Variants in USP20 observed in about 807,000 individuals in gnomAD.
USP20 encodes ubiquitin carboxyl-terminal hydrolase 20.
Under a neutral mutation model 124.2 loss-of-function variants are expected in USP20, and 80 were observed. The observed-to-expected ratio is 0.64, with a 90% CI of 0.54 to 0.78. USP20 has a LOEUF of 0.78. Among genes scored for constraint, USP20 ranks in the 30% least tolerant of loss-of-function variants. The pLI, the probability that USP20 is intolerant of heterozygous loss-of-function variation, is 0.00. For synonymous variants in USP20, 481 were observed against 512.3 expected (o/e 0.94, Z 0.83); for missense variants, 1,043 against 1,244.4 (o/e 0.84, Z 2.44).
chr9:129,838,519 A>C (rs775886752), intron 1 of USP20, among the ~76,000 whole-genome samples: 1 of 152,194 alleles, frequency 6.6e-6, no homozygotes, highest in Admixed American at 6.5e-5. Flanking sequence ...CGACTGCTCA[A>C]ACTGGGTTTG....
At chr9:129,858,322 G>C in intron 5 of USP20, 145 bp from the exon 6 acceptor site, 1 of 1,260,080 alleles carries the variant, frequency 7.9e-7, no homozygotes, top group South Asian at 1.3e-5. Flanking sequence ...GTCCTGACTG[G>C]GGGTGGGTAA....
chr9:129,856,305 A>C lies in USP20; in HGVS notation c.82-2A>C. 6.2e-7 allele frequency: 1 copy of C among 1,614,104 alleles called. No individual in the cohort carries two copies. Among genetic ancestry groups the C allele is most frequent in the Non-Finnish European group, 8.5e-7 (1 of 1,179,972 alleles). Reference sequence around the variant, plus strand: ...CTTTTTCTCTCCTCTCAACTCACACAGGGAACCTGTCAGTCGTGTGGGGTC... The same window carrying C: ...CTTTTTCTCTCCTCTCAACTCACACCGGGAACCTGTCAGTCGTGTGGGGTC... On this transcript the variant is annotated splice_acceptor_variant, in intron 3 of 25. Coordinates refer to ENST00000372429, the MANE Select transcript of USP20 (RefSeq NM_001110303.4). LOFTEE classifies it high-confidence loss of function.
rs202209306 is a variant in USP20, at chr9:129,875,524, C to G, written c.2219-36C>G. ...GGGAGAGCAGGGTGGGCAGCTGGGC[C>G]GAGCCACAGCTTCGCTCCCTGTACC... On this transcript the variant is annotated intron_variant, in intron 20 of 25. Transcript: ENST00000372429. 4.3e-3 allele frequency: 7,010 copies of G among 1,613,276 alleles called. 140 individuals carry two copies. The highest frequency in any genetic ancestry group is 0.042 in the South Asian group (3,839 of 90,988).
intron 1 of USP20, among the ~76,000 whole-genome samples, chr9:129,846,550 A>G (rs2032584070): frequency 1.3e-5 from 2 of 151,164 alleles, no homozygotes; most frequent in African/African-American, 4.9e-5. Flanking sequence ...GAGCCGCCCA[A>G]CATGGCCTAA....
chr9:129,847,700 G>T (rs555839280), intron 1 of USP20, among the ~76,000 whole-genome samples: 1 of 152,118 alleles, frequency 6.6e-6, no homozygotes, highest in South Asian at 2.1e-4. Flanking sequence ...CGATTTGACA[G>T]GTGTATACAC....
chr9:129,868,765 T>G, intron 11 of USP20, 97 bp from the exon 12 acceptor site: 1 of 1,485,918 alleles, frequency 6.7e-7, no homozygotes, highest in Non-Finnish European at 8.9e-7. Context: ...GGGTCAGGCT[T>G]TCGTCCCTTT....
At position 129,876,066 on chromosome 9, in the gene USP20, T is replaced by G. The variant is rs565798601; in HGVS notation, c.2301-64T>G. ...GGCTTGAGGGGGAAGTGGAAGGCAG[T>G]GATCACTCTCCCCTCCCTGGTACCC... On this transcript the variant is annotated intron_variant, in intron 21 of 25. Coordinates refer to ENST00000372429, the MANE Select transcript of USP20 (RefSeq NM_001110303.4). The G allele has an allele frequency of 9.2e-4, 1,307 of 1,416,758 alleles. 3 individuals carry two copies. Among genetic ancestry groups the G allele is most frequent in the Admixed American group, 2.4e-3 (123 of 51,494 alleles). 87.8% of individuals were successfully genotyped at this position (1,416,758 alleles called of 1,614,324 possible).
In USP20 at chr9:129,835,483, C is replaced by G; in HGVS notation, c.-145C>G. 2.5e-6 allele frequency: 1 copy of G among 397,984 alleles called. No homozygotes were observed. The highest frequency in any genetic ancestry group is 4.0e-5 in the South Asian group (1 of 24,986). The allele number at this position is 397,984 out of a possible 1,614,324, so 24.7% of individuals were successfully genotyped here. A position where few individuals can be genotyped will look rare whatever the true frequency, so the allele number is the denominator to read the frequency against. On this transcript the variant is annotated 5_prime_UTR_variant, in exon 1 of 26. Transcript: ENST00000372429. ...GCGCTTGACTGACAGGCGGCGGCGG[C>G]GCAGTTGCGAGTGCAGGTGAGTTCC...
intron 6 of USP20, 42 bp downstream of exon 6, chr9:129,858,640 G>A (rs1278676259): frequency 1.2e-6 from 2 of 1,605,834 alleles, no homozygotes; most frequent in African/African-American, 2.7e-5. Context: ...TGGTGACACT[G>A]TGTTGAGGAT....
intron 12 of USP20, 115 bp from the exon 13 acceptor site, chr9:129,869,195 C>A: frequency 7.5e-7 from 1 of 1,332,988 alleles, no homozygotes; most frequent in South Asian, 1.3e-5. Context: ...AATTGCTTAC[C>A]CAGTCATGTG....
chr9:129,861,717 A>T, intron 8 of USP20, 105 bp downstream of exon 8: 1 of 1,000,692 alleles, frequency 1.0e-6, no homozygotes, highest in South Asian at 1.4e-5. Flanking sequence ...CATGTATAGG[A>T]TGCACAGCAA....
intron 15 of USP20, among the ~76,000 whole-genome samples, chr9:129,872,450 C>A (rs989813611): frequency 1.3e-5 from 2 of 152,086 alleles, no homozygotes; most frequent in Non-Finnish European, 2.9e-5. Context: ...ACGGTGCCGG[C>A]CTCGTTAGTT....
chr9:129,880,677 C>G lies in USP20; in HGVS notation c.*227C>G. 1 of 191,750 alleles carries G rather than the reference C, an allele frequency of 5.2e-6. No individual in the cohort carries two copies. Among genetic ancestry groups the G allele is most frequent in the Non-Finnish European group, 1.1e-5 (1 of 89,660 alleles). The allele number at this position is 191,750 out of a possible 1,614,324, so 11.9% of individuals were successfully genotyped here. On this transcript the variant is annotated 3_prime_UTR_variant, in exon 26 of 26. Transcript: ENST00000372429. ...GTCCTGGCAGTGCCTCTGCCAGTCA[C>G]TGTCATCGTTGTGTCCCCCACAACT...
chr9:129,875,773 G>C (rs1395555184), intron 21 of USP20, 132 bp downstream of exon 21: 1 of 825,848 alleles, frequency 1.2e-6, no homozygotes, highest in African/African-American at 1.8e-5. Context: ...GCAGCACAGA[G>C]CCGCCTTCAC....
chr9:129,861,519 C>T, intron 7 of USP20, 24 bp from the exon 8 acceptor site: 1 of 1,613,298 alleles, frequency 6.2e-7, no homozygotes, highest in South Asian at 1.1e-5. Context: ...TCACCTGCTC[C>T]TCCCCGTTGT....
intron 10 of USP20, among the ~76,000 whole-genome samples, 164 bp from the exon 11 acceptor site, chr9:129,867,841 A>AGGC (rs2033893470): frequency 6.6e-6 from 1 of 152,056 alleles, no homozygotes; most frequent in Non-Finnish European, 1.5e-5. Flanking sequence ...TGGGGTTAGG[A>AGGC]CAGACTGCCA....
rs1435385738 is a variant in USP20 at position 129,852,622 on chromosome 9, C to A, written c.67C>A (p.Leu23Met). ...SIGEVTKEDLLLKSKGTCQSC... is the reference protein window; with the variant it reads ...SIGEVTKEDLMLKSKGTCQSC... The stretch of plus-strand genomic sequence containing the variant: ...AGGAGAGGTGACCAAAGAGGACTTG[C>A]TGCTCAAATCTAAGGTAAAGGGTCA... Residue 23 changes from leucine to methionine, a missense_variant, in exon 3 of 26, where the codon CTG (leucine) becomes ATG (methionine). By Grantham distance (15) the Leu-to-Met change is conservative. Coordinates refer to ENST00000372429, the MANE Select transcript of USP20 (RefSeq NM_001110303.4). 1.3e-6 allele frequency: 2 copies of A among 1,591,964 alleles called. No individual in the cohort carries two copies. The highest frequency in any genetic ancestry group is 1.7e-6 in the Non-Finnish European group (2 of 1,167,968).
Position 129,869,854 on chromosome 9 carries a change from C to T in USP20, c.1565+10C>T, listed in dbSNP as rs776873165. On this transcript the variant is annotated intron_variant, in intron 14 of 25. Transcript: ENST00000372429. ...TGGAGTACATCCGACGGTGCGCCCA[C>T]CTTGCCACTACTGGGCGACATGGGC... The T allele has an allele frequency of 3.7e-6, 6 of 1,607,066 alleles. No homozygotes were observed. The highest frequency in any genetic ancestry group is 5.1e-6 in the Non-Finnish European group (6 of 1,177,966).
rs2032042535 is a variant in USP20 at position 129,839,060 on chromosome 9, G to A, written c.-129+3561G>A. On this transcript the variant is annotated intron_variant, in intron 1 of 25. Transcript: ENST00000372429. The surrounding 1 kb of genome is among the most constrained non-coding windows in gnomAD (Gnocchi z 4.5). ...GTTTGGATTTGGGGAGGTGAAGGTCGTCCCCATGCCAGGCTGGCCGGGGCT... is the reference window on the plus strand; with the variant it reads ...GTTTGGATTTGGGGAGGTGAAGGTCATCCCCATGCCAGGCTGGCCGGGGCT... Among the ~76,000 whole-genome samples, 1 of 152,132 alleles carries A rather than the reference G, an allele frequency of 6.6e-6. No homozygotes were observed. Among genetic ancestry groups the A allele is most frequent in the Non-Finnish European group, 1.5e-5 (1 of 68,026 alleles).
Sources: gnomAD v4.1 joint callset for allele counts (sites outside exome capture counted in the v4.1 genomes callset) on GRCh38, gnomAD v4.1.1 for gene constraint, Gnocchi (gnomAD v3.1) non-coding constraint, MANE v1.5 for transcripts, NCBI Gene and HGNC (gene_info 2026-07-23, HGNC 2026-07-21) for gene names.